AGPAT4: variants seen among roughly 807,000 people sequenced by gnomAD.
AGPAT4 encodes the protein 1-acyl-sn-glycerol-3-phosphate acyltransferase delta.
AGPAT4 carries 15 observed loss-of-function variants against 48.0 expected under a neutral mutation model. The ratio of observed to expected loss-of-function variants is 0.31; its 90% CI spans 0.21 to 0.48. AGPAT4 has a LOEUF of 0.48. Among genes scored for constraint, AGPAT4 ranks in the 20% least tolerant of loss-of-function variants. The pLI, the probability that AGPAT4 is intolerant of heterozygous loss-of-function variation, is 0.99. For missense variants in AGPAT4, 314 were observed against 482.5 expected, an observed-to-expected ratio of 0.65 and a Z score of 3.27; for synonymous variants, 178 against 198.7, an observed-to-expected ratio of 0.90 and a Z score of 0.88.
rs1319145144 is a variant in AGPAT4, at chr6:161,161,156, G to A, written c.348+5092C>T. On this transcript the variant is annotated intron_variant, in intron 3 of 8. Coordinates refer to ENST00000320285, the MANE Select transcript of AGPAT4 (RefSeq NM_020133.3). The surrounding 1 kb of genome is among the most constrained non-coding windows in gnomAD (Gnocchi z 4.6). ...CAACAACCCTGGCTTTATGAGCGGTGGGATCAGACTCTGGCTTGTTAAAGA... is the reference window on the plus strand; with the variant it reads ...CAACAACCCTGGCTTTATGAGCGGTAGGATCAGACTCTGGCTTGTTAAAGA... The A allele has an allele frequency of 2.2e-6, 1 of 456,720 alleles. No homozygotes were observed. The highest frequency in any genetic ancestry group is 2.3e-5 in the Admixed American group (1 of 42,590). 28.3% of individuals were successfully genotyped at this position (456,720 alleles called of 1,614,324 possible).
chr6:161,228,476 G>A (rs1347578581), intron 2 of AGPAT4, among the ~76,000 whole-genome samples: 1 of 151,988 alleles, frequency 6.6e-6, no homozygotes, highest in Non-Finnish European at 1.5e-5. Flanking sequence ...AGGGCGCCAG[G>A]GCTGGGGGTG....
chr6:161,252,954 G>A (rs571510207), intron 1 of AGPAT4, among the ~76,000 whole-genome samples: 2 of 152,180 alleles, frequency 1.3e-5, no homozygotes, highest in African/African-American at 4.8e-5. Flanking sequence ...TGTGGCTCAC[G>A]TCTGTAATCC....
chr6:161,190,115 T>G (rs1373659520), intron 2 of AGPAT4, among the ~76,000 whole-genome samples: 1 of 152,118 alleles, frequency 6.6e-6, no homozygotes, highest in Non-Finnish European at 1.5e-5. Flanking sequence ...ATGTGGGAAG[T>G]GCCAGGGTCA....
intron 3 of AGPAT4, chr6:161,160,144 T>C (rs185279736): frequency 8.0e-6 from 1 of 125,760 alleles, no homozygotes; most frequent in African/African-American, 3.2e-5. Context: ...GTATTTTTAG[T>C]ACAGACGAGG....
rs967262785 is a variant in AGPAT4, at chr6:161,229,874, T to C, written c.178+2162A>G. ...TTGCTGGGGTGCATCTGGATGGAGG[T>C]GCTTCCTCTGGGGAAGAAGGCACAG... On this transcript the variant is annotated intron_variant, in intron 2 of 8. Transcript: ENST00000320285. The surrounding 1 kb of genome is among the most constrained non-coding windows in gnomAD (Gnocchi z 6.0). 3.9e-5 allele frequency among the ~76,000 whole-genome samples: 6 copies of C among 151,996 alleles called. No individual in the cohort carries two copies. The highest frequency in any genetic ancestry group is 1.2e-4 in the African/African-American group (5 of 41,360).
At position 161,146,072 on chromosome 6, in the gene AGPAT4, C is replaced by T. The variant is rs1779413750; in HGVS notation, c.843+452G>A. Among the ~76,000 whole-genome samples, 1 of 151,594 alleles carries T rather than the reference C, an allele frequency of 6.6e-6. No homozygotes were observed. The highest frequency in any genetic ancestry group is 2.4e-5 in the African/African-American group (1 of 40,916). ...ACAGACAGGAACAGGACAGGGGGCA[C>T]CACAGCAGGTTCGAACCCAGCCAAG... On this transcript the variant is annotated intron_variant, in intron 7 of 8. Transcript: ENST00000320285. This position sits in a 1 kb window ranked among gnomAD's most constrained non-coding sequence, Gnocchi z 7.1.
In AGPAT4 at chr6:161,267,186, C is replaced by T. The variant is rs564021439; in HGVS notation, c.-90+6752G>A. On this transcript the variant is annotated intron_variant, in intron 1 of 8. Transcript: ENST00000320285. This position sits in a 1 kb window ranked among gnomAD's most constrained non-coding sequence, Gnocchi z 5.2. ...ATTTAATGTATGTACTGCATTGTCACTCAGATGGTTTTAATCACAAGGCCC... is the reference window on the plus strand; with the variant it reads ...ATTTAATGTATGTACTGCATTGTCATTCAGATGGTTTTAATCACAAGGCCC... 1.1e-4 allele frequency among the ~76,000 whole-genome samples: 16 copies of T among 152,310 alleles called. No homozygotes were observed. The highest frequency in any genetic ancestry group is 3.8e-4 in the African/African-American group (16 of 41,568).
At chr6:161,192,986 T>C (rs1780966482) in intron 2 of AGPAT4, among the ~76,000 whole-genome samples, 1 of 152,228 alleles carries the variant, frequency 6.6e-6, no homozygotes, top group Admixed American at 6.5e-5. Flanking sequence ...AATTTCACTA[T>C]GATGCATCTA....
At chr6:161,150,025 C>CA (rs1373524079) in intron 5 of AGPAT4, among the ~76,000 whole-genome samples, 7 of 152,168 alleles carry the variant, frequency 4.6e-5, no homozygotes, top group African/African-American at 1.7e-4. Context: ...AGCAGCATAA[C>CA]CATTCTATGA....
At chr6:161,163,665 C>G (rs534706040) in intron 3 of AGPAT4, among the ~76,000 whole-genome samples, 140 of 152,214 alleles carry the variant, frequency 9.2e-4, no homozygotes, top group Non-Finnish European at 1.6e-3. Flanking sequence ...CTCCTGGCAC[C>G]TGCTCTCTCT....
intron 3 of AGPAT4, among the ~76,000 whole-genome samples, chr6:161,163,633 T>A (rs1229620056): frequency 6.6e-6 from 1 of 152,176 alleles, no homozygotes; most frequent in Admixed American, 6.5e-5. Flanking sequence ...GTGCCTGCCA[T>A]GTGCCTGCCC....
At chr6:161,203,251 T>C (rs1241944866) in intron 2 of AGPAT4, among the ~76,000 whole-genome samples, 1 of 152,184 alleles carries the variant, frequency 6.6e-6, no homozygotes, top group Non-Finnish European at 1.5e-5. Context: ...GGCTGTGTCT[T>C]ACTCATTGCT....
chr6:161,256,221 G>T (rs931098833), intron 1 of AGPAT4, among the ~76,000 whole-genome samples: 1 of 152,178 alleles, frequency 6.6e-6, no homozygotes, highest in East Asian at 1.9e-4. Context: ...CCTGGATCCT[G>T]AGTATAGGCA....
chr6:161,159,141 G>C lies in AGPAT4; in HGVS notation c.349-4831C>G, dbSNP rs1352532056. On this transcript the variant is annotated intron_variant, in intron 3 of 8. Coordinates refer to ENST00000320285, the MANE Select transcript of AGPAT4 (RefSeq NM_020133.3). This position sits in a 1 kb window ranked among gnomAD's most constrained non-coding sequence, Gnocchi z 4.1. Reference sequence around the variant, plus strand: ...TTGACTACCAGCTGGAGCCACTGTAGCAAATGTTTCAGTTCCCTGGAGCCA... The same window carrying C: ...TTGACTACCAGCTGGAGCCACTGTACCAAATGTTTCAGTTCCCTGGAGCCA... 2.0e-5 allele frequency among the ~76,000 whole-genome samples: 3 copies of C among 152,172 alleles called. No homozygotes were observed. The highest frequency in any genetic ancestry group is 4.4e-5 in the Non-Finnish European group (3 of 68,018).
Position 161,166,207 on chromosome 6 carries a change from G to C in AGPAT4, c.348+41C>G, listed in dbSNP as rs769670926. On this transcript the variant is annotated intron_variant, in intron 3 of 8. Coordinates refer to ENST00000320285, the MANE Select transcript of AGPAT4 (RefSeq NM_020133.3). The surrounding 1 kb of genome is among the most constrained non-coding windows in gnomAD (Gnocchi z 6.7). ...AAAGACAAGTGGTGGGGCTGAACCA[G>C]AGAAATGTGTGAGGCAGGGGGGAAT... 5.6e-6 allele frequency: 9 copies of C among 1,603,638 alleles called. No homozygotes were observed. The highest frequency in any genetic ancestry group is 1.3e-5 in the African/African-American group (1 of 74,762).
chr6:161,261,983 G>T lies in AGPAT4; in HGVS notation c.-90+11955C>A, dbSNP rs1783116489. On this transcript the variant is annotated intron_variant, in intron 1 of 8. Coordinates refer to ENST00000320285, the MANE Select transcript of AGPAT4 (RefSeq NM_020133.3). The surrounding 1 kb of genome is among the most constrained non-coding windows in gnomAD (Gnocchi z 5.3). Reference sequence around the variant, plus strand: ...CTCCCCATCTGTGAAATGGAGATAAGAAGAGTTCCTAGTCGAGGGCTGGTG... The same window carrying T: ...CTCCCCATCTGTGAAATGGAGATAATAAGAGTTCCTAGTCGAGGGCTGGTG... Among the ~76,000 whole-genome samples the T allele has an allele frequency of 6.6e-6, 1 of 152,204 alleles. No homozygotes were observed. The highest frequency in any genetic ancestry group is 2.1e-4 in the South Asian group (1 of 4,832).
At chr6:161,173,452 G>A (rs2114986219) in intron 2 of AGPAT4, among the ~76,000 whole-genome samples, 1 of 152,302 alleles carries the variant, frequency 6.6e-6, no homozygotes, top group East Asian at 1.9e-4. Context: ...CTTTTGAGAA[G>A]TGTCTGTTCA....
In AGPAT4 at chr6:161,206,323, G is replaced by A. The variant is rs1478933668; in HGVS notation, c.178+25713C>T. 6.6e-6 allele frequency among the ~76,000 whole-genome samples: 1 copy of A among 152,092 alleles called. No individual in the cohort carries two copies. Among genetic ancestry groups the A allele is most frequent in the Non-Finnish European group, 1.5e-5 (1 of 68,028 alleles). ...GAGCTGGAACCTCCATCATTCTCCA[G>A]TGATAATGAGACCACCCTTTTCCTC... On this transcript the variant is annotated intron_variant, in intron 2 of 8. Transcript: ENST00000320285. The surrounding 1 kb of genome is among the most constrained non-coding windows in gnomAD (Gnocchi z 4.8).
intron 1 of AGPAT4, among the ~76,000 whole-genome samples, chr6:161,271,318 T>C (rs1562366024): frequency 6.6e-6 from 1 of 152,230 alleles, no homozygotes; most frequent in Non-Finnish European, 1.5e-5. Flanking sequence ...AGCAGCAGGA[T>C]GAAGACTCTC....
Sources: allele counts gnomAD v4.1 joint callset (sites outside exome capture counted in the v4.1 genomes callset), GRCh38; gene constraint gnomAD v4.1.1; non-coding constraint Gnocchi (gnomAD v3.1); transcripts MANE v1.5; gene names NCBI Gene and HGNC (gene_info 2026-07-23, HGNC 2026-07-21).